CCDC66: variants seen among roughly 807,000 people sequenced by gnomAD.
CCDC66 encodes the protein coiled-coil domain containing 66, also known as coiled-coil domain-containing protein 66.
Under a neutral mutation model 128.3 loss-of-function variants are expected in CCDC66, and 133 were observed. The observed-to-expected ratio is 1.04, with a 90% CI of 0.90 to 1.20. The LOEUF is 1.20. Among genes scored for constraint, CCDC66 ranks in the 50% most tolerant of loss-of-function variants. CCDC66 has a pLI of 0.00. For missense variants in CCDC66, 1,126 were observed against 1,075.5 expected (o/e 1.05, Z -0.66); for synonymous variants, 387 against 357.0 (o/e 1.08, Z -0.95).
At chr3:56,589,560 GTCA>G (rs1444586931) in intron 7 of CCDC66, among the ~76,000 whole-genome samples, 1 of 152,126 alleles carries the variant, frequency 6.6e-6, no homozygotes, top group Non-Finnish European at 1.5e-5. Context: ...ATCAATGATA[GTCA>G]TCATATTTAT....
intron 10 of CCDC66, among the ~76,000 whole-genome samples, chr3:56,610,156 C>T (rs927842414): frequency 3.3e-5 from 5 of 152,146 alleles, no homozygotes; most frequent in African/African-American, 1.2e-4. Flanking sequence ...TCAATTATTC[C>T]CCTAAATATG....
chr3:56,604,509 A>C (rs967959603), intron 10 of CCDC66, among the ~76,000 whole-genome samples: 11 of 151,946 alleles, frequency 7.2e-5, no homozygotes, highest in African/African-American at 1.5e-4. Context: ...TTGTCTATAA[A>C]GGATTTTATT....
chr3:56,579,143 T>G (rs942172647), intron 7 of CCDC66, among the ~76,000 whole-genome samples: 7 of 151,874 alleles, frequency 4.6e-5, no homozygotes, highest in Non-Finnish European at 8.8e-5. Context: ...TGGGAGGGTG[T>G]ATGTGTCCAG....
intron 11 of CCDC66, 34 bp downstream of exon 11, chr3:56,613,784 T>A (rs1384294035): frequency 6.4e-7 from 1 of 1,569,586 alleles, no homozygotes; most frequent in Non-Finnish European, 8.7e-7. Context: ...AACTTTGGTT[T>A]TTGTTTGTGT....
At position 56,618,254 on chromosome 3, in the gene CCDC66, TCTATGTGGG is replaced by T. The variant is rs1446553152; in HGVS notation, c.2378+43_2378+51del. On this transcript the variant is annotated intron_variant, in intron 15 of 17. Coordinates refer to ENST00000394672, the MANE Select transcript of CCDC66 (RefSeq NM_001141947.3). ...TTAATTCCGCAGCTACTTAATGCTT[TCTATGTGGG>T]ACAAAAAAGGGATTCAAGATCTGGA... The T allele has an allele frequency of 1.9e-6, 3 of 1,548,050 alleles. No homozygotes were observed. In the Admixed American group the frequency reaches 5.1e-5, roughly 26 times the overall value.
intron 10 of CCDC66, among the ~76,000 whole-genome samples, chr3:56,607,958 CA>C (rs2074293420): frequency 6.6e-6 from 1 of 152,070 alleles, no homozygotes; most frequent in African/African-American, 2.4e-5. Flanking sequence ...TATGTTAAAC[CA>C]TCCCTGCATC....
At chr3:56,615,061 C>T in intron 11 of CCDC66, 67 bp from the exon 12 acceptor site, 1 of 1,523,500 alleles carries the variant, frequency 6.6e-7, no homozygotes, top group South Asian at 1.2e-5. Context: ...AAAATGTTTA[C>T]TGAGAGGAAA....
chr3:56,617,978 G>A lies in CCDC66; in HGVS notation c.2338-194G>A, dbSNP rs2075733615. On this transcript the variant is annotated intron_variant, in intron 14 of 17. Coordinates refer to ENST00000394672, the MANE Select transcript of CCDC66 (RefSeq NM_001141947.3). ...CCCTTGTTTATAGTCCACATAGACA[G>A]AGGTTTGGGAGATTAGGAACTCCCA... is the stretch of plus-strand genomic sequence containing the variant. 8 of 604,194 alleles carry A rather than the reference G, an allele frequency of 1.3e-5. No individual in the cohort carries two copies. In the South Asian group the frequency reaches 1.4e-4, roughly 11 times the overall value. 37.4% of individuals were successfully genotyped at this position (604,194 alleles called of 1,614,324 possible). A position where few individuals can be genotyped will look rare whatever the true frequency, so the allele number is the denominator to read the frequency against.
At chr3:56,563,056 T>C (rs1043878507) in intron 3 of CCDC66, among the ~76,000 whole-genome samples, 3 of 152,090 alleles carry the variant, frequency 2.0e-5, no homozygotes, top group Non-Finnish European at 2.9e-5. Context: ...CCATTGAACA[T>C]TGTCTTTATA....
At position 56,563,867 on chromosome 3, in the gene CCDC66, T is replaced by A; in HGVS notation, c.286T>A (p.Cys96Ser). The A allele has an allele frequency of 6.2e-7, 1 of 1,600,470 alleles. No individual in the cohort carries two copies. The highest frequency in any genetic ancestry group is 8.5e-7 in the Non-Finnish European group (1 of 1,172,254). ...GACTTTTTCATCCACTAAGGATTTA[T>A]GTAAACAATGTATAGATAAAGACTG... ...GMTFSSTKDL[C>S]KQCIDKDCLH... Residue 96 changes from cysteine to serine, a missense_variant, in exon 4 of 18, where the codon TGT becomes AGT. Coordinates refer to ENST00000394672, the MANE Select transcript of CCDC66 (RefSeq NM_001141947.3).
intron 7 of CCDC66, among the ~76,000 whole-genome samples, chr3:56,589,120 T>TA (rs1199246876): frequency 6.6e-6 from 1 of 152,178 alleles, no homozygotes; most frequent in Non-Finnish European, 1.5e-5. Context: ...AAAAAGGAGA[T>TA]ATTACCAGAG....
Position 56,593,618 on chromosome 3 carries a change from A to C in CCDC66, c.1196A>C (p.Gln399Pro). ...TACTTCTGTGTCTCTCCTGACACTC[A>C]GGAGCTGGCTGATGTCAGCAGTGTT... is the stretch of plus-strand genomic sequence containing the variant. ...PEYFCVSPDT[Q>P]ELADVSSVCT... Residue 399 changes from glutamine (Q) to proline (P), a missense_variant, in exon 9 of 18, where the codon CAG (glutamine) becomes CCG (proline). Gln to Pro is a moderately conservative substitution (Grantham distance 76). Coordinates refer to ENST00000394672, the MANE Select transcript of CCDC66 (RefSeq NM_001141947.3). The C allele has an allele frequency of 6.2e-7, 1 of 1,613,960 alleles. No individual in the cohort carries two copies. The highest frequency in any genetic ancestry group is 8.5e-7 in the Non-Finnish European group (1 of 1,180,030).
Position 56,621,659 on chromosome 3 carries a change from C to CAAATT in CCDC66, c.*43_*47dup. On this transcript the variant is annotated 3_prime_UTR_variant, in exon 18 of 18. Coordinates refer to ENST00000394672, the MANE Select transcript of CCDC66 (RefSeq NM_001141947.3). ...TCCTTCACATTTGATTTGTGTCTTC[C>CAAATT]AAATTATAAAATGTGCTCACTGGCT... 7.2e-7 allele frequency: 1 copy of CAAATT among 1,389,092 alleles called. No individual in the cohort carries two copies. The highest frequency in any genetic ancestry group is 2.3e-5 in the East Asian group (1 of 43,406). The allele number at this position is 1,389,092 out of a possible 1,614,324, so 86.0% of individuals were successfully genotyped here.
At chr3:56,558,931 C>G in intron 2 of CCDC66, 21 bp downstream of exon 2, 1 of 1,494,642 alleles carries the variant, frequency 6.7e-7, no homozygotes, top group Non-Finnish European at 9.0e-7. Context: ...TTACAGAAAT[C>G]TGAAATGTTA....
intron 10 of CCDC66, among the ~76,000 whole-genome samples, chr3:56,609,581 T>A (rs1270503734): frequency 1.3e-5 from 2 of 152,240 alleles, no homozygotes; most frequent in African/African-American, 4.8e-5. Flanking sequence ...AATGTTAATA[T>A]TGAAATGTGA....
At position 56,592,856 on chromosome 3, in the gene CCDC66, C is replaced by A; in HGVS notation, c.937-114C>A. The stretch of plus-strand genomic sequence containing the variant: ...TCGTTTGAAGTTATTGCTCCTCTTA[C>A]AGATAAATGCCTCAGTGGATTAAAT... On this transcript the variant is annotated intron_variant, in intron 7 of 17. Transcript: ENST00000394672. 2.9e-6 allele frequency: 3 copies of A among 1,021,548 alleles called. No homozygotes were observed. The South Asian group carries it at 4.4e-5, about 15-fold the overall frequency. 63.3% of individuals were successfully genotyped at this position (1,021,548 alleles called of 1,614,324 possible).
chr3:56,590,814 T>C (rs1299670182), intron 7 of CCDC66, among the ~76,000 whole-genome samples: 1 of 152,062 alleles, frequency 6.6e-6, no homozygotes, highest in Admixed American at 6.6e-5. Context: ...CCAGTTTTTA[T>C]GTAGGGGAAG....
intron 6 of CCDC66, 104 bp downstream of exon 6, chr3:56,567,157 C>A: frequency 1.3e-6 from 1 of 756,368 alleles, no homozygotes; most frequent in East Asian, 2.6e-5. Flanking sequence ...TTTGGGAAGC[C>A]GAGGTGGGTG....
At position 56,621,574 on chromosome 3, in the gene CCDC66, C is replaced by CAA; in HGVS notation, c.2803_2804insAA (p.Pro935GlnfsTer3). ...AAAGGAGTTGGAAAGTAGTCTCCTG[C>CAA]CTTTAGCTGAAAATCAAGAAGAGAG... On this transcript the variant is annotated frameshift_variant, in exon 18 of 18. Coordinates refer to ENST00000394672, the MANE Select transcript of CCDC66 (RefSeq NM_001141947.3). LOFTEE classifies it high-confidence loss of function. 1 of 1,602,292 alleles carries CAA rather than the reference C, an allele frequency of 6.2e-7. No individual in the cohort carries two copies. Among genetic ancestry groups the CAA allele is most frequent in the Non-Finnish European group, 8.5e-7 (1 of 1,174,750 alleles).
Sources: gnomAD v4.1 joint callset for allele counts (sites outside exome capture counted in the v4.1 genomes callset) on GRCh38, gnomAD v4.1.1 for gene constraint, MANE v1.5 for transcripts, NCBI Gene and HGNC (gene_info 2026-07-23, HGNC 2026-07-21) for gene names.